The following FAM171A1 variants were observed in gnomAD, a reference collection of about 807,000 sequenced individuals.
The protein encoded by FAM171A1 is protein FAM171A1.
Under a neutral mutation model 74.9 loss-of-function variants are expected in FAM171A1, and 23 were observed. The observed-to-expected ratio is 0.31, with a 90% CI of 0.22 to 0.44. The LOEUF is 0.44. Ranked by LOEUF, FAM171A1 falls within the 20% of genes least tolerant of loss-of-function variation. FAM171A1 has a pLI of 1.00. For missense variants in FAM171A1, 1,162 were observed against 1,159.2 expected (o/e 1.00, Z -0.03); for synonymous variants, 527 against 505.7 (o/e 1.04, Z -0.57).
intron 5 of FAM171A1, among the ~76,000 whole-genome samples, chr10:15,223,561 C>A (rs1169804750): frequency 6.6e-6 from 1 of 152,170 alleles, no homozygotes; most frequent in Non-Finnish European, 1.5e-5. Flanking sequence ...GTTGCCTTTC[C>A]CTTCTAAAAC....
chr10:15,307,939 G>C (rs574031827), intron 1 of FAM171A1, among the ~76,000 whole-genome samples: 1 of 151,966 alleles, frequency 6.6e-6, no homozygotes, highest in African/African-American at 2.4e-5. Flanking sequence ...AGGTAACTGG[G>C]ACCAAAGGCA....
chr10:15,371,252 G>GGCA lies in FAM171A1; in HGVS notation c.-201_-200insTGC. The stretch of plus-strand genomic sequence containing the variant: ...GGTTTCCCCGAAGAGCCGCGGCGGC[G>GGCA]GCGGCGGCGGCGGCTGCTGCTGCTC... On this transcript the variant is annotated 5_prime_UTR_variant, in exon 1 of 8. Transcript: ENST00000378116. Among the ~76,000 whole-genome samples the GGCA allele has an allele frequency of 6.9e-6, 1 of 143,926 alleles. No individual in the cohort carries two copies. The highest frequency in any genetic ancestry group is 1.5e-5 in the Non-Finnish European group (1 of 65,096). 94.4% of individuals were successfully genotyped at this position (143,926 alleles called of 152,430 possible).
Position 15,254,800 on chromosome 10 carries a change from G to T in FAM171A1, c.498C>A (p.Thr166=), listed in dbSNP as rs745714699. Residue 166 remains threonine, a synonymous_variant, in exon 4 of 8, where the codon ACC becomes ACA. Coordinates refer to ENST00000378116, the MANE Select transcript of FAM171A1 (RefSeq NM_001010924.2). ...LPENTSYSDL[T]AFLTAASSPS... is the part of the protein sequence containing the mutation. The stretch of plus-strand genomic sequence containing the variant: ...GGGAGCTGGCGGCCGTGAGAAACGC[G>T]GTCAGGTCACTGTAGCTGGTGTTCT... 1.2e-6 allele frequency: 2 copies of T among 1,614,158 alleles called. No homozygotes were observed. Among genetic ancestry groups the T allele is most frequent in the East Asian group, 2.2e-5 (1 of 44,868 alleles).
chr10:15,254,743 T>A lies in FAM171A1; in HGVS notation c.555A>T (p.Arg185=). 6.2e-7 allele frequency: 1 copy of A among 1,614,122 alleles called. No individual in the cohort carries two copies. Among genetic ancestry groups the A allele is most frequent in the Non-Finnish European group, 8.5e-7 (1 of 1,179,992 alleles). Residue 185 remains arginine, a synonymous_variant, in exon 4 of 8, where the codon CGA becomes CGT. Transcript: ENST00000378116. ...PSEVDSFPYL[R]GLDGNGTGNS... ...TACCTGTTCCATTTCCGTCTAATCC[T>A]CGCAAATAAGGAAAACTGTCCACCT...
chr10:15,283,732 A>G lies in FAM171A1; in HGVS notation c.325+146T>C, dbSNP rs558380150. ...CTTGAGTAGCTGGGACTACAGGTGCACACTATGATGCCTGGCTAATTTTAA... is the reference window on the plus strand; with the variant it reads ...CTTGAGTAGCTGGGACTACAGGTGCGCACTATGATGCCTGGCTAATTTTAA... On this transcript the variant is annotated intron_variant, in intron 2 of 7. Coordinates refer to ENST00000378116, the MANE Select transcript of FAM171A1 (RefSeq NM_001010924.2). The G allele has an allele frequency of 1.1e-5, 8 of 727,790 alleles. No individual in the cohort carries two copies. The East Asian group carries it at 2.2e-4, about 20-fold the overall frequency. The allele number at this position is 727,790 out of a possible 1,614,324, so 45.1% of individuals were successfully genotyped here.
At chr10:15,316,707 T>C (rs1288230655) in intron 1 of FAM171A1, among the ~76,000 whole-genome samples, 1 of 152,108 alleles carries the variant, frequency 6.6e-6, no homozygotes, top group Admixed American at 6.5e-5. Flanking sequence ...AATCCAAACG[T>C]TGGATAATTT....
intron 3 of FAM171A1, among the ~76,000 whole-genome samples, chr10:15,270,584 T>G (rs1834810595): frequency 6.6e-6 from 1 of 152,136 alleles, no homozygotes; most frequent in Non-Finnish European, 1.5e-5. Context: ...CCCTCTCAAG[T>G]AGGTCCCTGA....
intron 5 of FAM171A1, among the ~76,000 whole-genome samples, chr10:15,239,130 C>T (rs1023269216): frequency 6.6e-6 from 1 of 152,062 alleles, no homozygotes; most frequent in African/African-American, 2.4e-5. Context: ...AAAGGGTAAA[C>T]GTCTGTAAAA....
rs184380693 is a variant in FAM171A1 at position 15,334,411 on chromosome 10, C to T, written c.97+36545G>A. Among the ~76,000 whole-genome samples the T allele has an allele frequency of 2.7e-3, 418 of 152,294 alleles. 1 individual carries two copies. Among genetic ancestry groups the T allele is most frequent in the African/African-American group, 9.6e-3 (397 of 41,570 alleles). The stretch of plus-strand genomic sequence containing the variant: ...TTTACAAAAACTTCAATGAATGAAA[C>T]ATTTGGTGGTTAACCGCTAAAGTTA... On this transcript the variant is annotated intron_variant, in intron 1 of 7. Coordinates refer to ENST00000378116, the MANE Select transcript of FAM171A1 (RefSeq NM_001010924.2).
upstream of FAM171A1, among the ~76,000 whole-genome samples, chr10:15,371,390 C>T (rs1053573189): frequency 2.7e-5 from 4 of 147,398 alleles, no homozygotes; most frequent in African/African-American, 9.8e-5. Flanking sequence ...CGCCCCCGCC[C>T]GGCGCCGCTG....
At position 15,275,939 on chromosome 10, in the gene FAM171A1, A is replaced by G; in HGVS notation, c.334T>C (p.Ser112Pro). Reference sequence around the variant, plus strand: ...TCTGGAAGCAGGCCAAGGCTCAGAGAGGAAAATACTGCAGGAAAAAGAAAT... The same window carrying G: ...TCTGGAAGCAGGCCAAGGCTCAGAGGGGAAAATACTGCAGGAAAAAGAAAT... The part of the protein sequence containing the change: ...WKPIRLPVFS[S>P]LSLGLLPERS... The change falls in exon 3 of 8, where the codon TCT becomes CCT. Residue 112 changes from serine to proline, a missense_variant. Physicochemically the swap from Ser to Pro is moderately conservative, Grantham distance 74. Coordinates refer to ENST00000378116, the MANE Select transcript of FAM171A1 (RefSeq NM_001010924.2). 6.2e-7 allele frequency: 1 copy of G among 1,608,984 alleles called. No homozygotes were observed. The highest frequency in any genetic ancestry group is 1.1e-5 in the South Asian group (1 of 90,124).
chr10:15,331,833 ATATATATGTGTG>A (rs1159946570), intron 1 of FAM171A1, among the ~76,000 whole-genome samples: 2 of 124,938 alleles, frequency 1.6e-5, no homozygotes, highest in African/African-American at 2.8e-5. Flanking sequence ...ATATGTGTGT[ATATATATGTGTG>A]TATATATATG....
intron 1 of FAM171A1, among the ~76,000 whole-genome samples, chr10:15,342,605 G>A (rs1278653690): frequency 6.6e-6 from 1 of 152,092 alleles, no homozygotes; most frequent in Non-Finnish European, 1.5e-5. Context: ...CATAACGGGT[G>A]TTGCTGCAAC....
In FAM171A1 at chr10:15,339,460, C is replaced by T. The variant is rs913496075; in HGVS notation, c.97+31496G>A. Among the ~76,000 whole-genome samples, 9 of 152,130 alleles carry T rather than the reference C, an allele frequency of 5.9e-5. No individual in the cohort carries two copies. The East Asian group carries it at 1.5e-3, about 26-fold the overall frequency. Reference sequence around the variant, plus strand: ...TGATGACCATGGTAGTCCTGAAGAGCGCTGCTCAGGTAGTTTGCAGGATTC... The same window carrying T: ...TGATGACCATGGTAGTCCTGAAGAGTGCTGCTCAGGTAGTTTGCAGGATTC... On this transcript the variant is annotated intron_variant, in intron 1 of 7. Transcript: ENST00000378116.
chr10:15,324,455 C>T (rs1220826464), intron 1 of FAM171A1, among the ~76,000 whole-genome samples: 2 of 152,184 alleles, frequency 1.3e-5, no homozygotes, highest in African/African-American at 2.4e-5. Flanking sequence ...CATAACGTAT[C>T]GTGAATATTC....
intron 1 of FAM171A1, among the ~76,000 whole-genome samples, chr10:15,326,789 A>G (rs1225480986): frequency 3.3e-5 from 5 of 151,700 alleles, no homozygotes; most frequent in Non-Finnish European, 7.4e-5. Context: ...CATCATACCC[A>G]GCTAATTTTT....
Position 15,371,243 on chromosome 10 carries a change from CGCGGCGGCG to C in FAM171A1, c.-200_-192del, listed in dbSNP as rs559398047. On this transcript the variant is annotated 5_prime_UTR_variant, in exon 1 of 8. Coordinates refer to ENST00000378116, the MANE Select transcript of FAM171A1 (RefSeq NM_001010924.2). ...CCCGCGCCGGGTTTCCCCGAAGAGC[CGCGGCGGCG>C]GCGGCGGCGGCGGCTGCTGCTGCTC... 5.9e-4 allele frequency among the ~76,000 whole-genome samples: 84 copies of C among 141,668 alleles called. No homozygotes were observed. Among genetic ancestry groups the C allele is most frequent in the African/African-American group, 1.8e-3 (73 of 39,894 alleles). 92.9% of individuals were successfully genotyped at this position (141,668 alleles called of 152,430 possible). A position where few individuals can be genotyped will look rare whatever the true frequency, so the allele number is the denominator to read the frequency against.
chr10:15,370,098 C>G (rs1836117218), intron 1 of FAM171A1, among the ~76,000 whole-genome samples: 1 of 107,436 alleles, frequency 9.3e-6, no homozygotes, highest in Admixed American at 1.0e-4. Flanking sequence ...TCAAAAAACG[C>G]TGATTTTAAA....
intron 1 of FAM171A1, among the ~76,000 whole-genome samples, chr10:15,312,176 G>A (rs777807103): frequency 5.9e-5 from 9 of 152,146 alleles, no homozygotes; most frequent in Non-Finnish European, 1.2e-4. Context: ...GGACCAGATC[G>A]GGTCATCGAA....
Sources: gnomAD v4.1 joint callset for allele counts (sites outside exome capture counted in the v4.1 genomes callset) on GRCh38, gnomAD v4.1.1 for gene constraint, MANE v1.5 for transcripts, NCBI Gene and HGNC (gene_info 2026-07-23, HGNC 2026-07-21) for gene names.